The following RYR3 variants were observed in gnomAD, a reference collection of about 807,000 sequenced individuals.
RYR3 encodes ryanodine receptor 3.
RYR3 carries 207 observed loss-of-function variants against 584.3 expected under a neutral mutation model. The ratio of observed to expected loss-of-function variants is 0.35; its 90% CI spans 0.32 to 0.40. The LOEUF is 0.40. RYR3 is among the 10% of genes least tolerant of loss of function. The pLI is 1.00. For missense variants in RYR3, 5,616 were observed against 6,089.2 expected (o/e 0.92, Z 2.59); for synonymous variants, 2,416 against 2,248.5 (o/e 1.07, Z -2.11).
intron 2 of RYR3, among the ~76,000 whole-genome samples, chr15:33,485,725 C>T (rs141756835): frequency 3.0e-4 from 46 of 152,248 alleles, no homozygotes; most frequent in Non-Finnish European, 5.3e-4. Flanking sequence ...TTTAGTGCTA[C>T]GCATTTTCTA....
intron 19 of RYR3, among the ~76,000 whole-genome samples, chr15:33,613,722 G>A (rs1189124456): frequency 6.6e-6 from 1 of 152,100 alleles, no homozygotes; most frequent in Non-Finnish European, 1.5e-5. Flanking sequence ...GATTCCAATG[G>A]TTAGCTATAA....
chr15:33,739,555 T>A (rs2069858182), intron 50 of RYR3, among the ~76,000 whole-genome samples: 1 of 151,988 alleles, frequency 6.6e-6, no homozygotes, highest in South Asian at 2.1e-4. Context: ...CCTTAGGTAG[T>A]CTTGAAATTA....
At chr15:33,572,536 G>A (rs1019974319) in intron 12 of RYR3, among the ~76,000 whole-genome samples, 3 of 151,412 alleles carry the variant, frequency 2.0e-5, no homozygotes, top group Non-Finnish European at 4.4e-5. Flanking sequence ...ACTCTGCCCT[G>A]TTGGAGCTGT....
intron 63 of RYR3, 56 bp from the exon 64 acceptor site, chr15:33,773,478 G>A: frequency 7.8e-7 from 1 of 1,274,432 alleles, no homozygotes; most frequent in South Asian, 1.3e-5. Context: ...CCTCTTCATG[G>A]ATCCTTTCTG....
chr15:33,355,812 G>A (rs554850710), intron 1 of RYR3, among the ~76,000 whole-genome samples: 1 of 152,284 alleles, frequency 6.6e-6, no homozygotes, highest in South Asian at 2.1e-4. Flanking sequence ...GAGAGGATGA[G>A]AACTTAGTAT....
At chr15:33,385,069 C>A (rs1197655225) in intron 1 of RYR3, among the ~76,000 whole-genome samples, 1 of 152,174 alleles carries the variant, frequency 6.6e-6, no homozygotes. Flanking sequence ...TGAAATTTCA[C>A]GTAAAATCAA....
chr15:33,719,746 T>C (rs957521750), intron 43 of RYR3, among the ~76,000 whole-genome samples: 2 of 152,198 alleles, frequency 1.3e-5, no homozygotes, highest in African/African-American at 4.8e-5. Flanking sequence ...ATCCCTCCTG[T>C]GAGTAAACTG....
In RYR3 at chr15:33,611,873, G is replaced by A. The variant is rs575197599; in HGVS notation, c.2165-1310G>A. On this transcript the variant is annotated intron_variant, in intron 18 of 103. Transcript: ENST00000634891. ...AGAGTTTCACCATGTTGGCCAGGCTGGTCTCAAACTCCTGAGCTCAAGCGA... is the reference window on the plus strand; with the variant it reads ...AGAGTTTCACCATGTTGGCCAGGCTAGTCTCAAACTCCTGAGCTCAAGCGA... Among the ~76,000 whole-genome samples, 21 of 152,156 alleles carry A rather than the reference G, an allele frequency of 1.4e-4. No homozygotes were observed. In the East Asian group the frequency reaches 3.3e-3, roughly 24 times the overall value.
In RYR3 at chr15:33,864,119, T is replaced by C; in HGVS notation, c.14466-19T>C. 6.3e-7 allele frequency: 1 copy of C among 1,598,718 alleles called. No individual in the cohort carries two copies. ...GGGTCTTGACCAGAGTATCTAATAC[T>C]ATCTTTTCCTCGTTCCAGGTTCTTT... On this transcript the variant is annotated intron_variant, in intron 102 of 103. Transcript: ENST00000634891.
At chr15:33,652,939 T>C (rs2062576501) in intron 32 of RYR3, 56 bp downstream of exon 32, 1 of 1,521,182 alleles carries the variant, frequency 6.6e-7, no homozygotes, top group Non-Finnish European at 8.9e-7. Flanking sequence ...TGTTTATCAC[T>C]GTGTTCCTTG....
chr15:33,667,292 T>C (rs762974893), intron 36 of RYR3, among the ~76,000 whole-genome samples: 2 of 152,224 alleles, frequency 1.3e-5, no homozygotes, highest in Non-Finnish European at 2.9e-5. Context: ...TCACTCCAGG[T>C]GTTCAATGAC....
At chr15:33,483,258 A>T (rs2050132741) in intron 2 of RYR3, among the ~76,000 whole-genome samples, 1 of 152,016 alleles carries the variant, frequency 6.6e-6, no homozygotes. Flanking sequence ...TCATTATTTA[A>T]ATCCTTGACT....
At chr15:33,402,397 C>T (rs1335828917) in intron 1 of RYR3, among the ~76,000 whole-genome samples, 1 of 152,186 alleles carries the variant, frequency 6.6e-6, no homozygotes, top group Admixed American at 6.5e-5. Context: ...ATTCTCTCCC[C>T]AAATACTTGA....
intron 82 of RYR3, 152 bp downstream of exon 82, chr15:33,825,828 G>A: frequency 1.8e-6 from 1 of 555,964 alleles, no homozygotes; most frequent in Non-Finnish European, 3.1e-6. Context: ...TGTCTCCTGG[G>A]TTCAAGCACT....
intron 1 of RYR3, among the ~76,000 whole-genome samples, chr15:33,434,379 T>G (rs1052324368): frequency 6.6e-6 from 1 of 152,160 alleles, no homozygotes; most frequent in Non-Finnish European, 1.5e-5. Context: ...TTTTGTCATT[T>G]GCACATTAAG....
chr15:33,500,967 A>G lies in RYR3; in HGVS notation c.172-2664A>G, dbSNP rs1284277378. On this transcript the variant is annotated intron_variant, in intron 2 of 103. Coordinates refer to ENST00000634891, the MANE Select transcript of RYR3 (RefSeq NM_001036.6). ...TGTTCCCTCCCTTACCACTGCCCAC[A>G]CATTGTTTTGGGTGCTGTTGGAGTG... Among the ~76,000 whole-genome samples, 4 of 152,068 alleles carry G rather than the reference A, an allele frequency of 2.6e-5. No individual in the cohort carries two copies. In the East Asian group the frequency reaches 7.7e-4, roughly 29 times the overall value.
chr15:33,442,487 G>GA (rs2046309106), intron 1 of RYR3, among the ~76,000 whole-genome samples: 1 of 152,200 alleles, frequency 6.6e-6, no homozygotes, highest in Non-Finnish European at 1.5e-5. Context: ...AACTATTTGA[G>GA]AATTTCGGTA....
intron 2 of RYR3, among the ~76,000 whole-genome samples, chr15:33,489,568 A>G (rs1414953146): frequency 6.6e-6 from 1 of 151,024 alleles, no homozygotes; most frequent in Non-Finnish European, 1.5e-5. Context: ...ATAGTATTCC[A>G]TGGTGTATGA....
At chr15:33,560,357 T>A (rs1006045613) in intron 10 of RYR3, among the ~76,000 whole-genome samples, 1 of 152,228 alleles carries the variant, frequency 6.6e-6, no homozygotes, top group East Asian at 1.9e-4. Flanking sequence ...TGGAAGCCGA[T>A]GCTGTTTTGT....
Sources: allele counts gnomAD v4.1 joint callset (sites outside exome capture counted in the v4.1 genomes callset), GRCh38; gene constraint gnomAD v4.1.1; transcripts MANE v1.5; gene names NCBI Gene and HGNC (gene_info 2026-07-23, HGNC 2026-07-21).